The following TMEFF2 variants were observed in gnomAD, a reference collection of about 807,000 sequenced individuals.
The protein encoded by TMEFF2 is tomoregulin-2.
TMEFF2 carries 28 observed loss-of-function variants against 53.8 expected under a neutral mutation model. The ratio of observed to expected loss-of-function variants is 0.52; its 90% CI spans 0.39 to 0.71. The LOEUF is 0.71. Among genes scored for constraint, TMEFF2 ranks in the 30% least tolerant of loss-of-function variants. The probability of loss-of-function intolerance (pLI) is 0.00; values close to 1 mark genes in which losing one functional copy is unlikely to be tolerated. For missense variants in TMEFF2, 353 were observed against 455.2 expected (o/e 0.78, Z 2.04); for synonymous variants, 162 against 166.3 (o/e 0.97, Z 0.20).
At chr2:191,964,396 T>TTCTTTCTTTCTTTCTTTCTTTCTTTC (rs1559063740) in intron 7 of TMEFF2, among the ~76,000 whole-genome samples, 2 of 58,366 alleles carry the variant, frequency 3.4e-5, no homozygotes, top group Non-Finnish European at 6.6e-5. Flanking sequence ...CTTTCTTTCT[T>TTCTTTCTTTCTTTCTTTCTTTCTTTC]TCTCTTTCTT....
intron 7 of TMEFF2, among the ~76,000 whole-genome samples, chr2:191,983,207 T>C (rs1056827886): frequency 6.6e-6 from 1 of 152,156 alleles, no homozygotes; most frequent in African/African-American, 2.4e-5. Context: ...TGGTGAATAA[T>C]TTTAACATGA....
At chr2:191,986,483 C>CTAA (rs962724064) in intron 7 of TMEFF2, among the ~76,000 whole-genome samples, 3 of 151,890 alleles carry the variant, frequency 2.0e-5, no homozygotes, top group Non-Finnish European at 4.4e-5. Context: ...TTTCATCATT[C>CTAA]TAATGAGCCT....
chr2:192,077,816 TTATATA>T (rs894833179), intron 4 of TMEFF2, among the ~76,000 whole-genome samples: 13 of 152,042 alleles, frequency 8.6e-5, no homozygotes, highest in African/African-American at 2.9e-4. Flanking sequence ...TTGTATATGT[TTATATA>T]TATAAGCACA....
intron 4 of TMEFF2, among the ~76,000 whole-genome samples, chr2:192,155,827 C>G (rs1041416108): frequency 2.0e-5 from 3 of 151,894 alleles, no homozygotes; most frequent in African/African-American, 7.2e-5. Flanking sequence ...AAAGATGAGG[C>G]CTAACACTTG....
intron 4 of TMEFF2, among the ~76,000 whole-genome samples, chr2:192,093,761 A>G (rs1416698740): frequency 2.0e-5 from 3 of 152,076 alleles, no homozygotes; most frequent in Non-Finnish European, 4.4e-5. Flanking sequence ...AACCCAAGGT[A>G]AAAGCCTTTG....
chr2:192,114,941 A>T (rs974349457), intron 4 of TMEFF2, among the ~76,000 whole-genome samples: 1 of 152,014 alleles, frequency 6.6e-6, no homozygotes, highest in Non-Finnish European at 1.5e-5. Flanking sequence ...TATGTATATC[A>T]AATCATCACA....
At chr2:192,100,414 A>G (rs1689007659) in intron 4 of TMEFF2, among the ~76,000 whole-genome samples, 1 of 152,192 alleles carries the variant, frequency 6.6e-6, no homozygotes, top group Non-Finnish European at 1.5e-5. Context: ...ATGCATTTTC[A>G]AAGCACATCT....
At chr2:191,967,034 G>T (rs774970056) in intron 7 of TMEFF2, among the ~76,000 whole-genome samples, 2 of 146,238 alleles carry the variant, frequency 1.4e-5, no homozygotes, top group African/African-American at 2.6e-5. Flanking sequence ...CTGAACTTCT[G>T]AGAAAAAAAA....
chr2:192,030,543 C>T (rs558543943), intron 5 of TMEFF2: 2 of 152,070 alleles, frequency 1.3e-5, no homozygotes, highest in East Asian at 3.9e-4. Context: ...TGACAAGCCA[C>T]AGAGTTGCCC....
chr2:191,962,152 A>T (rs1269715296), intron 7 of TMEFF2, among the ~76,000 whole-genome samples: 1 of 152,236 alleles, frequency 6.6e-6, no homozygotes, highest in South Asian at 2.1e-4. Context: ...CTACAAATTT[A>T]ACATTTCTTC....
chr2:192,176,825 C>T (rs576556068), intron 4 of TMEFF2: 3 of 150,944 alleles, frequency 2.0e-5, no homozygotes, highest in Admixed American at 6.6e-5. Flanking sequence ...TTCATTCACG[C>T]TAAAATATAG....
chr2:192,180,024 A>T (rs1214212459), intron 3 of TMEFF2, among the ~76,000 whole-genome samples: 5 of 151,580 alleles, frequency 3.3e-5, no homozygotes, highest in Admixed American at 3.3e-4. Context: ...TAAAAATGAG[A>T]TGCTTGTAAC....
chr2:192,038,626 G>GAC (rs1687393476), intron 5 of TMEFF2, among the ~76,000 whole-genome samples: 3 of 151,832 alleles, frequency 2.0e-5, no homozygotes, highest in Non-Finnish European at 4.4e-5. Context: ...AGAGTAGCTG[G>GAC]GACTACAGAT....
chr2:191,957,813 T>C (rs546342516), intron 7 of TMEFF2, among the ~76,000 whole-genome samples: 2 of 152,352 alleles, frequency 1.3e-5, no homozygotes, highest in Admixed American at 1.3e-4. Flanking sequence ...TATCTGTGTC[T>C]CTTTAGCTAG....
At chr2:192,031,658 A>AT (rs1363365827) in intron 5 of TMEFF2, 2 of 152,164 alleles carry the variant, frequency 1.3e-5, no homozygotes, top group African/African-American at 4.8e-5. Context: ...GTTCAGAGAG[A>AT]TTAGGTAACT....
chr2:192,190,711 GT>G (rs1265710768), intron 2 of TMEFF2, among the ~76,000 whole-genome samples: 4 of 152,104 alleles, frequency 2.6e-5, no homozygotes, highest in African/African-American at 9.7e-5. Flanking sequence ...GTCTAAGAAG[GT>G]TTTAGCATTT....
At chr2:192,168,639 C>T (rs369627767) in intron 4 of TMEFF2, among the ~76,000 whole-genome samples, 1 of 151,982 alleles carries the variant, frequency 6.6e-6, no homozygotes, top group African/African-American at 2.4e-5. Flanking sequence ...TCCTGGCATG[C>T]CATTATTTTT....
chr2:192,143,575 G>A (rs772889938), intron 4 of TMEFF2, among the ~76,000 whole-genome samples: 1 of 151,812 alleles, frequency 6.6e-6, no homozygotes. Flanking sequence ...TTGCAAATTT[G>A]GTATTTATTC....
intron 7 of TMEFF2, among the ~76,000 whole-genome samples, chr2:191,970,242 TTA>T (rs1692598028): frequency 6.6e-6 from 1 of 152,060 alleles, no homozygotes; most frequent in Non-Finnish European, 1.5e-5. Flanking sequence ...CAGCAAAATA[TTA>T]TATCTAGTGA....
Sources: allele counts gnomAD v4.1 joint callset (sites outside exome capture counted in the v4.1 genomes callset), GRCh38; gene constraint gnomAD v4.1.1; transcripts MANE v1.5; gene names NCBI Gene and HGNC (gene_info 2026-07-23, HGNC 2026-07-21).